SPATS2L: variants seen among roughly 807,000 people sequenced by gnomAD.
SPATS2L encodes SPATS2-like protein.
Under a neutral mutation model 59.6 loss-of-function variants are expected in SPATS2L, and 30 were observed. That is an observed-to-expected ratio of 0.50 (90% CI 0.38 to 0.68). The LOEUF is 0.68. Among genes scored for constraint, SPATS2L ranks in the 30% least tolerant of loss-of-function variants. The pLI is 0.00. For missense variants in SPATS2L, 615 were observed against 700.0 expected (o/e 0.88, Z 1.37); for synonymous variants, 252 against 263.5 (o/e 0.96, Z 0.42).
chr2:200,341,993 T>C (rs1409519457), intron 2 of SPATS2L, among the ~76,000 whole-genome samples: 2 of 152,196 alleles, frequency 1.3e-5, no homozygotes, highest in African/African-American at 4.8e-5. Context: ...CGGCCAACTA[T>C]AACATTTGTA....
At chr2:200,444,660 C>G (rs1183250260) in intron 8 of SPATS2L, among the ~76,000 whole-genome samples, 1 of 152,072 alleles carries the variant, frequency 6.6e-6, no homozygotes, top group Non-Finnish European at 1.5e-5. Context: ...TTTCCCGAAG[C>G]AATGCCAAGT....
chr2:200,337,938 A>G (rs1273448440), intron 2 of SPATS2L, among the ~76,000 whole-genome samples: 1 of 152,216 alleles, frequency 6.6e-6, no homozygotes, highest in Non-Finnish European at 1.5e-5. Context: ...GTATTTGTTG[A>G]ATGAACATAT....
At chr2:200,353,682 A>G (rs1323129387) in intron 2 of SPATS2L, among the ~76,000 whole-genome samples, 2 of 152,208 alleles carry the variant, frequency 1.3e-5, no homozygotes, top group Non-Finnish European at 2.9e-5. Flanking sequence ...CCTAAAAAAA[A>G]AAAATTCTGA....
At chr2:200,412,605 CAA>C (rs11324274) in intron 4 of SPATS2L, among the ~76,000 whole-genome samples, 186 bp downstream of exon 4, 261 of 126,208 alleles carry the variant, frequency 2.1e-3, no homozygotes, top group African/African-American at 4.8e-3. Context: ...GACCCCATCT[CAA>C]AAAAAAAAAA....
intron 8 of SPATS2L, among the ~76,000 whole-genome samples, chr2:200,442,056 C>T (rs2084737274): frequency 6.6e-6 from 1 of 152,140 alleles, no homozygotes; most frequent in South Asian, 2.1e-4. Context: ...CATTCAGCCT[C>T]TCAGAGGCCC....
chr2:200,468,327 C>T (rs1440757490), intron 10 of SPATS2L, among the ~76,000 whole-genome samples: 1 of 135,136 alleles, frequency 7.4e-6, no homozygotes, highest in East Asian at 2.1e-4. Context: ...TCCCCTTATC[C>T]ACTTTTTCAC....
intron 8 of SPATS2L, among the ~76,000 whole-genome samples, chr2:200,448,240 G>T (rs1199173234): frequency 6.6e-6 from 1 of 152,138 alleles, no homozygotes. Flanking sequence ...TCAGGAGTTA[G>T]AGACCAGCCT....
intron 8 of SPATS2L, among the ~76,000 whole-genome samples, chr2:200,458,056 T>G (rs1353154097): frequency 6.6e-6 from 1 of 152,198 alleles, no homozygotes; most frequent in Non-Finnish European, 1.5e-5. Flanking sequence ...AAAAATCTTC[T>G]TGATTACCTT....
intron 10 of SPATS2L, 119 bp from the exon 11 acceptor site, chr2:200,469,795 A>G (rs964098792): frequency 1.9e-5 from 14 of 724,216 alleles, no homozygotes; most frequent in Admixed American, 5.6e-5. Context: ...AGGGCTGGAA[A>G]GATCCCCACC....
At chr2:200,419,528 A>G (rs1223834588) in intron 6 of SPATS2L, 32 bp downstream of exon 6, 6 of 1,610,548 alleles carry the variant, frequency 3.7e-6, no homozygotes, top group Middle Eastern at 1.7e-4. Context: ...TTGCTTAGGA[A>G]GGCATAGATG....
chr2:200,369,177 G>C (rs114458918), intron 2 of SPATS2L, among the ~76,000 whole-genome samples: 15,190 of 150,750 alleles, frequency 0.1, 860 homozygotes, highest in Non-Finnish European at 0.13. Flanking sequence ...TTTATTTTTT[G>C]AGACAGAGAC....
At chr2:200,438,577 T>G (rs1000384067) in intron 6 of SPATS2L, among the ~76,000 whole-genome samples, 4 of 152,220 alleles carry the variant, frequency 2.6e-5, no homozygotes, top group African/African-American at 9.6e-5. Context: ...GTTTTCTGAT[T>G]TAAGCCCTCC....
At chr2:200,310,468 A>G (rs1420705082) in intron 1 of SPATS2L, among the ~76,000 whole-genome samples, 1 of 152,172 alleles carries the variant, frequency 6.6e-6, no homozygotes, top group African/African-American at 2.4e-5. Flanking sequence ...TTCTAGGATA[A>G]TTATAGTCTA....
intron 2 of SPATS2L, among the ~76,000 whole-genome samples, chr2:200,382,618 G>A (rs141634136): frequency 2.0e-5 from 3 of 152,154 alleles, no homozygotes; most frequent in Non-Finnish European, 2.9e-5. Flanking sequence ...CCCAATGGCC[G>A]TGGGCTTGCT....
chr2:200,453,672 A>G (rs1001913902), intron 8 of SPATS2L, among the ~76,000 whole-genome samples: 4 of 152,222 alleles, frequency 2.6e-5, no homozygotes, highest in African/African-American at 9.6e-5. Context: ...GGGCACTACT[A>G]GGCTATCAGC....
At chr2:200,353,209 A>C (rs993634323) in intron 2 of SPATS2L, among the ~76,000 whole-genome samples, 1 of 152,230 alleles carries the variant, frequency 6.6e-6, no homozygotes, top group African/African-American at 2.4e-5. Context: ...GTAATCTGTT[A>C]ACCACATCTG....
At chr2:200,331,755 T>C (rs764122836) in intron 2 of SPATS2L, among the ~76,000 whole-genome samples, 13 of 152,202 alleles carry the variant, frequency 8.5e-5, no homozygotes, top group Non-Finnish European at 1.3e-4. Flanking sequence ...TATAGGTAGG[T>C]TGATATGTGG....
intron 1 of SPATS2L, among the ~76,000 whole-genome samples, chr2:200,314,823 G>T (rs374946206): frequency 6.6e-6 from 1 of 152,090 alleles, no homozygotes; most frequent in Non-Finnish European, 1.5e-5. Flanking sequence ...AATACACCAT[G>T]CTTTGAGACT....
intron 3 of SPATS2L, among the ~76,000 whole-genome samples, chr2:200,395,827 A>G (rs1282336399): frequency 1.3e-5 from 2 of 151,332 alleles, no homozygotes; most frequent in Non-Finnish European, 2.9e-5. Context: ...CCTGGCCAAC[A>G]TGGCGAAACC....
Sources: allele counts gnomAD v4.1 joint callset (sites outside exome capture counted in the v4.1 genomes callset), GRCh38; gene constraint gnomAD v4.1.1; transcripts MANE v1.5; gene names NCBI Gene and HGNC (gene_info 2026-07-23, HGNC 2026-07-21).